REEP5: variants seen among roughly 807,000 people sequenced by gnomAD.
REEP5 encodes receptor accessory protein 5, also known as receptor expression-enhancing protein 5.
REEP5 carries 24 observed loss-of-function variants against 22.4 expected under a neutral mutation model. The ratio of observed to expected loss-of-function variants is 1.07; its 90% CI spans 0.78 to 1.51. REEP5 has a LOEUF of 1.51. Among genes scored for constraint, REEP5 ranks in the 40% most tolerant of loss-of-function variants. REEP5 has a pLI of 0.00. For missense variants in REEP5, 252 were observed against 233.0 expected (o/e 1.08, Z -0.53); for synonymous variants, 103 against 88.6 (o/e 1.16, Z -0.92).
At chr5:112,896,983 C>T (rs1443064338) in intron 3 of REEP5, 3 of 152,096 alleles carry the variant, frequency 2.0e-5, no homozygotes, top group East Asian at 1.9e-4. Context: ...ACAGAGGATA[C>T]AAAGATATTA....
intron 2 of REEP5, among the ~76,000 whole-genome samples, chr5:112,909,385 GAAGAA>G (rs1769039918): frequency 6.6e-6 from 1 of 151,626 alleles, no homozygotes. Flanking sequence ...AAAAGATTAA[GAAGAA>G]AAGAGAGAGA....
Position 112,877,319 on chromosome 5 carries a change from A to G in REEP5, c.*1467T>C, listed in dbSNP as rs897016233. On this transcript the variant is annotated 3_prime_UTR_variant, in exon 5 of 5. Transcript: ENST00000379638. ...ATCATCTTTATTTGCCTTAAAAAAT[A>G]CTGTACTGGCTGGATATTTAATCTT... 3 of 152,332 alleles carry G rather than the reference A, an allele frequency of 2.0e-5. No homozygotes were observed. The highest frequency in any genetic ancestry group is 7.2e-5 in the African/African-American group (3 of 41,576). The allele number at this position is 152,332 out of a possible 1,614,324, so 9.4% of individuals were successfully genotyped here. A position where few individuals can be genotyped will look rare whatever the true frequency, so the allele number is the denominator to read the frequency against.
At chr5:112,910,898 G>A (rs1769090624) in intron 2 of REEP5, among the ~76,000 whole-genome samples, 2 of 152,204 alleles carry the variant, frequency 1.3e-5, no homozygotes, top group Non-Finnish European at 2.9e-5. Flanking sequence ...CTAGGCTCCT[G>A]CCCCAGGCCT....
chr5:112,885,286 C>G (rs1768208460), intron 4 of REEP5: 1 of 172,274 alleles, frequency 5.8e-6, no homozygotes, highest in African/African-American at 2.4e-5. Flanking sequence ...AGACAGAAAG[C>G]AAGCTCAAAT....
intron 2 of REEP5, among the ~76,000 whole-genome samples, chr5:112,914,216 G>A (rs966709654): frequency 6.6e-6 from 1 of 151,266 alleles, no homozygotes; most frequent in Non-Finnish European, 1.5e-5. Flanking sequence ...TGTGCCTCCT[G>A]GGTTCAAGCA....
intron 2 of REEP5, among the ~76,000 whole-genome samples, chr5:112,907,622 T>C (rs1768984317): frequency 6.6e-6 from 1 of 152,232 alleles, no homozygotes; most frequent in Admixed American, 6.5e-5. Context: ...TGTGTGGAGT[T>C]GGAAGACATC....
chr5:112,911,794 G>A (rs1214164980), intron 2 of REEP5, among the ~76,000 whole-genome samples: 1 of 152,102 alleles, frequency 6.6e-6, no homozygotes. Context: ...AAAACCACTA[G>A]CCATATCACA....
At chr5:112,885,039 A>G (rs916179960) in intron 4 of REEP5, 2 of 152,482 alleles carry the variant, frequency 1.3e-5, no homozygotes, top group Non-Finnish European at 2.9e-5. Context: ...CATAACAAAA[A>G]CTGAACAGCA....
In REEP5 at chr5:112,887,075, T is replaced by G; in HGVS notation, c.460A>C (p.Ser154Arg). The change falls in exon 4 of 5, where the codon AGT becomes CGT. Residue 154 changes from serine to arginine, a missense_variant. Coordinates refer to ENST00000379638, the MANE Select transcript of REEP5 (RefSeq NM_005669.5). ...FFLKHESQMD[S>R]VVKDLKDKAK... ...TTGTCTTTAAGGTCCTTGACCACAC[T>G]GTCCATCTGGGACTCGTGCTTCAGG... The G allele has an allele frequency of 3.1e-6, 5 of 1,613,756 alleles. No homozygotes were observed. The highest frequency in any genetic ancestry group is 4.2e-6 in the Non-Finnish European group (5 of 1,179,854).
rs61741889 is a variant in REEP5, at chr5:112,892,300, A to T, written c.352-5117T>A. ...AACGTTTGGAATGGAGCAGTGCAGG[A>T]GGGATGACTATGACCCTGACGCAAG... On this transcript the variant is annotated intron_variant, in intron 3 of 4. Transcript: ENST00000379638. The T allele has an allele frequency of 6.1e-3, 9,914 of 1,614,072 alleles. 513 individuals are homozygous for T. In the African/African-American group the frequency reaches 0.12, roughly 19 times the overall value.
chr5:112,887,273 G>T, intron 3 of REEP5, 90 bp from the exon 4 acceptor site: 1 of 1,208,072 alleles, frequency 8.3e-7, no homozygotes. Flanking sequence ...TCTGGGGATG[G>T]GAGATGCCTC....
At chr5:112,900,982 G>A (rs1768827362) in intron 3 of REEP5, among the ~76,000 whole-genome samples, 1 of 151,804 alleles carries the variant, frequency 6.6e-6, no homozygotes, top group Non-Finnish European at 1.5e-5. Context: ...GACTACAGGT[G>A]CACTCTGCCA....
At chr5:112,905,035 T>A (rs1441243867) in intron 2 of REEP5, among the ~76,000 whole-genome samples, 1 of 152,200 alleles carries the variant, frequency 6.6e-6, no homozygotes, top group Non-Finnish European at 1.5e-5. Context: ...AGAGATTTTT[T>A]AATAGATCTT....
At chr5:112,888,243 A>G (rs1768321344) in intron 3 of REEP5, among the ~76,000 whole-genome samples, 1 of 152,254 alleles carries the variant, frequency 6.6e-6, no homozygotes, top group African/African-American at 2.4e-5. Flanking sequence ...TTTCTAAGAC[A>G]GTCTTTCAGG....
chr5:112,899,020 G>C (rs1411209297), intron 3 of REEP5, among the ~76,000 whole-genome samples: 1 of 152,114 alleles, frequency 6.6e-6, no homozygotes, highest in Non-Finnish European at 1.5e-5. Flanking sequence ...ACTTCATATA[G>C]TGTCTTGTCT....
intron 4 of REEP5, chr5:112,885,320 T>G: frequency 5.7e-6 from 1 of 174,400 alleles, no homozygotes. Context: ...CAGCAAGTGG[T>G]AGATTTAGAA....
chr5:112,918,709 A>G (rs975489894), intron 2 of REEP5, among the ~76,000 whole-genome samples: 21 of 152,292 alleles, frequency 1.4e-4, no homozygotes, highest in African/African-American at 4.8e-4. Flanking sequence ...CACCATCTGG[A>G]ATGAAATGCA....
chr5:112,912,231 C>G (rs2150047208), intron 2 of REEP5, among the ~76,000 whole-genome samples: 1 of 152,232 alleles, frequency 6.6e-6, no homozygotes, highest in South Asian at 2.1e-4. Flanking sequence ...TTTGGCTACT[C>G]ACACCTAAGA....
chr5:112,907,961 G>A (rs1181771145), intron 2 of REEP5, among the ~76,000 whole-genome samples: 2 of 151,618 alleles, frequency 1.3e-5, no homozygotes, highest in Middle Eastern at 3.4e-3. Flanking sequence ...ATTTCAAATT[G>A]TATAAAGTTA....
Sources: gnomAD v4.1 joint callset for allele counts (sites outside exome capture counted in the v4.1 genomes callset) on GRCh38, gnomAD v4.1.1 for gene constraint, MANE v1.5 for transcripts, NCBI Gene and HGNC (gene_info 2026-07-23, HGNC 2026-07-21) for gene names.